IGF2R: variants seen among roughly 807,000 people sequenced by gnomAD.
The protein encoded by IGF2R is insulin like growth factor 2 receptor, also known as cation-independent mannose-6-phosphate receptor.
Under a neutral mutation model 270.6 loss-of-function variants are expected in IGF2R, and 91 were observed. The observed-to-expected ratio is 0.34, with a 90% CI of 0.28 to 0.40. The LOEUF (loss-of-function observed/expected upper bound fraction) is 0.40. Ranked by LOEUF, IGF2R falls within the 10% of genes least tolerant of loss-of-function variation. The pLI is 1.00. For missense variants in IGF2R, 2,805 were observed against 3,188.3 expected, an observed-to-expected ratio of 0.88 and a Z score of 2.90; for synonymous variants, 1,316 against 1,258.9, an observed-to-expected ratio of 1.05 and a Z score of -0.96.
chr6:160,009,070 G>A lies in IGF2R; in HGVS notation c.350G>A (p.Cys117Tyr). The change falls in exon 3 of 48, where the codon TGT becomes TAT. Residue 117 changes from cysteine (C) to tyrosine (Y), a missense_variant. This residue lies in a region of IGF2R where 954 missense variants were observed against 981.1 expected (regional missense o/e 0.97). Coordinates refer to ENST00000356956, the MANE Select transcript of IGF2R (RefSeq NM_000876.4). ...CTGGAATTCAACACAACAGTGAGCT[G>A]TGACCAGCAAGGCACAAATCACAGA... is the stretch of plus-strand genomic sequence containing the variant. Reference protein sequence around the residue: ...SLLEFNTTVSCDQQGTNHRVQ... With the variant: ...SLLEFNTTVSYDQQGTNHRVQ... 2 of 1,613,956 alleles carry A rather than the reference G, an allele frequency of 1.2e-6. No individual in the cohort carries two copies. The highest frequency in any genetic ancestry group is 2.2e-5 in the South Asian group (2 of 91,082).
chr6:160,096,274 C>T (rs528624367), intron 44 of IGF2R, 165 bp from the exon 45 acceptor site: 23 of 599,970 alleles, frequency 3.8e-5, no homozygotes, highest in Non-Finnish European at 5.8e-5. Flanking sequence ...CCATGTGCAT[C>T]GAGTGGCCTC....
intron 23 of IGF2R, 57 bp downstream of exon 23, chr6:160,060,774 G>C: frequency 6.5e-7 from 1 of 1,549,022 alleles, no homozygotes. Context: ...GTGTGTGTGA[G>C]TGGATATGAA....
At chr6:160,012,529 G>T (rs1246821274) in intron 4 of IGF2R, among the ~76,000 whole-genome samples, 1 of 151,804 alleles carries the variant, frequency 6.6e-6, no homozygotes, top group Admixed American at 6.6e-5. Context: ...AGAGTGGGAG[G>T]GGGAGGTGCC....
rs1258957464 is a variant in IGF2R at position 159,994,278 on chromosome 6, T to C, written c.289+2955T>C. Among the ~76,000 whole-genome samples, 5 of 152,092 alleles carry C rather than the reference T, an allele frequency of 3.3e-5. No homozygotes were observed. The East Asian group carries it at 9.6e-4, about 29-fold the overall frequency. On this transcript the variant is annotated intron_variant, in intron 2 of 47. Coordinates refer to ENST00000356956, the MANE Select transcript of IGF2R (RefSeq NM_000876.4). Reference sequence around the variant, plus strand: ...TAGTAGCCTCTGATGATCTTTTGTCTTTCCATAGTATCAATGTCTACTTTT... The same window carrying C: ...TAGTAGCCTCTGATGATCTTTTGTCCTTCCATAGTATCAATGTCTACTTTT...
chr6:160,097,639 A>G (rs1203094953), intron 45 of IGF2R, among the ~76,000 whole-genome samples: 2 of 152,150 alleles, frequency 1.3e-5, no homozygotes, highest in Admixed American at 6.5e-5. Context: ...CTGGCCCACC[A>G]TTTTACATAA....
At chr6:160,069,614 T>TA (rs1778670452) in intron 30 of IGF2R, among the ~76,000 whole-genome samples, 1 of 152,194 alleles carries the variant, frequency 6.6e-6, no homozygotes, top group South Asian at 2.1e-4. Context: ...TTTCGACTGC[T>TA]ACAGCCTAGC....
rs969749491 is a variant in IGF2R, at chr6:160,047,852, C to A, written c.2290C>A (p.Pro764Thr). The A allele has an allele frequency of 6.2e-7, 1 of 1,614,024 alleles. No individual in the cohort carries two copies. The highest frequency in any genetic ancestry group is 1.3e-5 in the African/African-American group (1 of 74,906). The change falls in exon 17 of 48, where the codon CCC (proline) becomes ACC (threonine). Residue 764 changes from proline (P) to threonine (T), a missense_variant. Pro to Thr is a conservative substitution (Grantham distance 38). Transcript: ENST00000356956. Reference sequence around the variant, plus strand: ...CACCAGCTATGCCTGCCCGGAGGAGCCCCTGGAATGCGTAGTGACCGACCC... The same window carrying A: ...CACCAGCTATGCCTGCCCGGAGGAGACCCTGGAATGCGTAGTGACCGACCC... ...WYTSYACPEE[P>T]LECVVTDPST...
intron 4 of IGF2R, among the ~76,000 whole-genome samples, chr6:160,021,540 A>G (rs1215100060): frequency 1.3e-5 from 2 of 151,664 alleles, no homozygotes; most frequent in East Asian, 3.9e-4. Flanking sequence ...ACATGTATAC[A>G]TATGTAACAA....
chr6:160,022,707 A>C (rs1165611454), intron 4 of IGF2R, among the ~76,000 whole-genome samples: 1 of 152,206 alleles, frequency 6.6e-6, no homozygotes, highest in Non-Finnish European at 1.5e-5. Flanking sequence ...AAGTCAACAG[A>C]TGGCAGTACC....
chr6:160,034,849 C>T (rs759608844), intron 10 of IGF2R, among the ~76,000 whole-genome samples: 4 of 152,160 alleles, frequency 2.6e-5, no homozygotes, highest in Admixed American at 6.5e-5. Flanking sequence ...AGGACAGATT[C>T]GGCAGGGGCG....
chr6:160,079,050 G>A (rs1344644168), intron 37 of IGF2R, among the ~76,000 whole-genome samples: 1 of 152,192 alleles, frequency 6.6e-6, no homozygotes, highest in East Asian at 1.9e-4. Flanking sequence ...TGAGTGATGA[G>A]CCTGGAGTTT....
intron 4 of IGF2R, among the ~76,000 whole-genome samples, chr6:160,023,782 C>T (rs559549445): frequency 6.6e-6 from 1 of 152,284 alleles, no homozygotes; most frequent in South Asian, 2.1e-4. Context: ...ATTTGGGAGT[C>T]TTTGGCAGAC....
At position 160,064,500 on chromosome 6, in the gene IGF2R, T is replaced by C. The variant is rs1233866654; in HGVS notation, c.3986T>C (p.Ile1329Thr). ...CHKVYQRSTA[I>T]FFYCDRGTQR... ...AAGGTTTATCAGCGCTCCACAGCCA[T>C]CTTCTTCTACTGTGACCGCGGCACC... Residue 1329 changes from isoleucine (I) to threonine (T), a missense_variant, in exon 28 of 48, where the codon ATC becomes ACC. By Grantham distance (89) the Ile-to-Thr change is moderately conservative. Transcript: ENST00000356956. 6.2e-7 allele frequency: 1 copy of C among 1,614,074 alleles called. No individual in the cohort carries two copies. Among genetic ancestry groups the C allele is most frequent in the Non-Finnish European group, 8.5e-7 (1 of 1,180,036 alleles).
chr6:160,034,531 G>A lies in IGF2R; in HGVS notation c.1315+9G>A. On this transcript the variant is annotated intron_variant, in intron 10 of 47. Transcript: ENST00000356956. ...GTGCAATAAAACCGCAGGTAAGTGT[G>A]CGCTGGAGTTCAGCCCCTCCTCTTT... is the stretch of plus-strand genomic sequence containing the variant. 1 of 1,565,876 alleles carries A rather than the reference G, an allele frequency of 6.4e-7. No individual in the cohort carries two copies. The highest frequency in any genetic ancestry group is 8.8e-7 in the Non-Finnish European group (1 of 1,136,348).
At position 160,084,822 on chromosome 6, in the gene IGF2R, T is replaced by C. The variant is rs772900178; in HGVS notation, c.6069-173T>C. Among the ~76,000 whole-genome samples, 4 of 151,812 alleles carry C rather than the reference T, an allele frequency of 2.6e-5. No individual in the cohort carries two copies. The highest frequency in any genetic ancestry group is 6.6e-5 in the Admixed American group (1 of 15,246). On this transcript the variant is annotated intron_variant, in intron 40 of 47. Coordinates refer to ENST00000356956, the MANE Select transcript of IGF2R (RefSeq NM_000876.4). This position sits in a 1 kb window ranked among gnomAD's most constrained non-coding sequence, Gnocchi z 4.6. ...AGCTCCCTTCTTCAGTGAAGACTTC[T>C]TTTGCCCTTTTTTTTTTTAATTGGA...
rs757746861 is a variant in IGF2R at position 160,096,485 on chromosome 6, G to A, written c.6702G>A (p.Lys2234=). Residue 2234 remains lysine (K), a synonymous_variant, in exon 45 of 48, where the codon AAG becomes AAA. Transcript: ENST00000356956. ...TTGCCTCTTCCTCTAAGTGCGGAAA[G>A]GATAAGACCAAGTCTGTTTCTTCCA... The part of the protein sequence containing the change: ...VVFASSSKCG[K]DKTKSVSSTI... 1.9e-6 allele frequency: 3 copies of A among 1,614,122 alleles called. No homozygotes were observed. The Admixed American group carries it at 5.0e-5, about 27-fold the overall frequency.
Position 160,060,727 on chromosome 6 carries a change from TG to T in IGF2R, c.3262+11del. On this transcript the variant is annotated intron_variant, in intron 23 of 47. Coordinates refer to ENST00000356956, the MANE Select transcript of IGF2R (RefSeq NM_000876.4). ...GACTGCCAAGTCACCGGTAAGGCCG[TG>T]CGGCCTAAGAACTGAGAGGCCGGTC... 6.2e-7 allele frequency: 1 copy of T among 1,614,038 alleles called. No homozygotes were observed. Among genetic ancestry groups the T allele is most frequent in the Non-Finnish European group, 8.5e-7 (1 of 1,179,918 alleles).
chr6:160,034,365 GT>G (rs1251271932), intron 9 of IGF2R, 53 bp from the exon 10 acceptor site: 8 of 1,198,906 alleles, frequency 6.7e-6, no homozygotes, highest in Non-Finnish European at 9.9e-6. Context: ...AAAGATTCAA[GT>G]TTTTTTCTTG....
rs1181101358 is a variant in IGF2R at position 159,984,391 on chromosome 6, C to CATCCA, written c.150-6793_150-6792insATCCA. On this transcript the variant is annotated intron_variant, in intron 1 of 47. Coordinates refer to ENST00000356956, the MANE Select transcript of IGF2R (RefSeq NM_000876.4). The stretch of plus-strand genomic sequence containing the variant: ...CACTGCGCTACCAGTCTTATGAAAG[C>CATCCA]GTCCAGTCAGGTCCTAGGCCTTTAG... Among the ~76,000 whole-genome samples, 110 of 152,322 alleles carry CATCCA rather than the reference C, an allele frequency of 7.2e-4. 1 individual carries two copies. The highest frequency in any genetic ancestry group is 2.6e-3 in the African/African-American group (108 of 41,574).
Sources: gnomAD v4.1 joint callset for allele counts (sites outside exome capture counted in the v4.1 genomes callset) on GRCh38, gnomAD v4.1.1 for gene constraint, gnomAD v4.1.1 regional missense constraint, Gnocchi (gnomAD v3.1) non-coding constraint, MANE v1.5 for transcripts, NCBI Gene and HGNC (gene_info 2026-07-23, HGNC 2026-07-21) for gene names.